Variants in STON1 observed in about 807,000 individuals in gnomAD.
STON1 encodes stonin 1.
A neutral mutation model predicts 60.9 loss-of-function variants in STON1; 79 were observed. That is an observed-to-expected ratio of 1.30 (90% CI 1.08 to 1.56). STON1 has a LOEUF of 1.56. STON1 is among the 40% of genes most tolerant of loss of function. The probability of loss-of-function intolerance (pLI) is 0.00; values close to 1 mark genes in which losing one functional copy is unlikely to be tolerated. For missense variants in STON1, 1,166 were observed against 858.9 expected, an observed-to-expected ratio of 1.36 and a Z score of -4.47; for synonymous variants, 363 against 306.9, an observed-to-expected ratio of 1.18 and a Z score of -1.91.
At chr2:48,543,529 C>CT (rs869048449) in intron 1 of STON1, among the ~76,000 whole-genome samples, 2,381 of 128,192 alleles carry the variant, frequency 0.019, 47 homozygotes, top group East Asian at 0.028. Context: ...TTAAAGATAA[C>CT]TTTTTTTTTT....
At position 48,589,404 on chromosome 2, in the gene STON1, C is replaced by A. The variant is rs901596942; in HGVS notation, c.1931-2249C>A. 2.0e-5 allele frequency among the ~76,000 whole-genome samples: 3 copies of A among 152,338 alleles called. No homozygotes were observed. The South Asian group carries it at 6.2e-4, about 32-fold the overall frequency. ...CTGCGACAACACGATTTTCCTCTATCTTTTATTCATTAATTGGTGAATTTG... is the reference window on the plus strand; with the variant it reads ...CTGCGACAACACGATTTTCCTCTATATTTTATTCATTAATTGGTGAATTTG... On this transcript the variant is annotated intron_variant, in intron 2 of 3. Coordinates refer to ENST00000404752, the MANE Select transcript of STON1 (RefSeq NM_006873.4).
At chr2:48,564,464 CTTCTTCTTCTTCTTCTTTCTTCTT>C (rs1558604429) in intron 1 of STON1, among the ~76,000 whole-genome samples, 5 of 55,230 alleles carry the variant, frequency 9.1e-5, no homozygotes, top group African/African-American at 3.5e-4. Flanking sequence ...TCTTCTTCTT[CTTCTTCTTCTTCTTCTTTCTTCTT>C]CTTCTTCTTC....
intron 2 of STON1, among the ~76,000 whole-genome samples, chr2:48,590,911 C>G (rs1674478308): frequency 6.6e-6 from 1 of 152,024 alleles, no homozygotes; most frequent in African/African-American, 2.4e-5. Context: ...AATTCTTGGC[C>G]TGGAACATTT....
intron 1 of STON1, among the ~76,000 whole-genome samples, chr2:48,558,034 C>A (rs897127908): frequency 1.3e-5 from 2 of 152,084 alleles, no homozygotes; most frequent in African/African-American, 4.8e-5. Flanking sequence ...ACCAGCATGA[C>A]CAATATGGAG....
chr2:48,574,588 C>A (rs1416739914), intron 1 of STON1, among the ~76,000 whole-genome samples: 1 of 152,096 alleles, frequency 6.6e-6, no homozygotes, highest in East Asian at 1.9e-4. Context: ...AGGCAATGAA[C>A]CTAAAGCCAA....
At position 48,581,502 on chromosome 2, in the gene STON1, C is replaced by T. The variant is rs747553078; in HGVS notation, c.869C>T (p.Ser290Phe). The stretch of plus-strand genomic sequence containing the variant: ...ATTCCTGAGAAGAAGAATATGATGT[C>T]TTCCCGGCAATGGGGACCAATTTTT... The part of the protein sequence containing the change: ...LRIPEKKNMM[S>F]SRQWGPIFLK... The change falls in exon 2 of 4, where the codon TCT (serine) becomes TTT (phenylalanine). Residue 290 changes from serine to phenylalanine, a missense_variant. Ser to Phe is a radical substitution (Grantham distance 155, BLOSUM62 -2). Transcript: ENST00000404752. 15 of 1,614,224 alleles carry T rather than the reference C, an allele frequency of 9.3e-6. No individual in the cohort carries two copies. The highest frequency in any genetic ancestry group is 1.3e-5 in the Non-Finnish European group (15 of 1,180,040).
At chr2:48,564,753 G>C (rs1286258256) in intron 1 of STON1, among the ~76,000 whole-genome samples, 1 of 71,346 alleles carries the variant, frequency 1.4e-5, no homozygotes, top group Admixed American at 1.8e-4. Context: ...TTTTTTTTAA[G>C]ATGGAGTCTC....
chr2:48,534,926 C>G (rs1455620661), intron 1 of STON1, among the ~76,000 whole-genome samples: 1 of 152,140 alleles, frequency 6.6e-6, no homozygotes, highest in East Asian at 1.9e-4. Context: ...GGTAGCTCAC[C>G]CCTTCCTTGC....
chr2:48,534,510 G>T (rs1671347318), intron 1 of STON1, among the ~76,000 whole-genome samples: 1 of 152,152 alleles, frequency 6.6e-6, no homozygotes, highest in African/African-American at 2.4e-5. Flanking sequence ...AAAGGAAAGG[G>T]AAAATGTTTC....
Position 48,581,011 on chromosome 2 carries a change from C to T in STON1, c.378C>T (p.Thr126=). 1.9e-6 allele frequency: 3 copies of T among 1,572,654 alleles called. No individual in the cohort carries two copies. The highest frequency in any genetic ancestry group is 1.7e-6 in the Non-Finnish European group (2 of 1,162,926). The stretch of plus-strand genomic sequence containing the variant: ...GAGGAGAATCTTCCTTACTGCCTAC[C>T]AGACCAACATGTTTATCCCATGCCT... The part of the protein sequence containing the change: ...ISGGESSLLP[T]RPTCLSHALL... The change falls in exon 2 of 4, where the codon ACC becomes ACT. Residue 126 remains threonine, a synonymous_variant. Coordinates refer to ENST00000404752, the MANE Select transcript of STON1 (RefSeq NM_006873.4).
At chr2:48,586,427 T>C (rs547047732) in intron 2 of STON1, among the ~76,000 whole-genome samples, 1 of 152,274 alleles carries the variant, frequency 6.6e-6, no homozygotes, top group South Asian at 2.1e-4. Flanking sequence ...AAATGCACTG[T>C]GGAAAAGTGC....
intron 2 of STON1, among the ~76,000 whole-genome samples, chr2:48,583,086 A>C (rs1222309006): frequency 6.6e-6 from 1 of 152,058 alleles, no homozygotes; most frequent in Admixed American, 6.6e-5. Flanking sequence ...GGTCATCTCA[A>C]CTTGTATTGT....
rs1450613784 is a variant in STON1, at chr2:48,591,768, C to T, written c.2046C>T (p.Ala682=). ...TVQFSVPDTC[A]SRTEVRSLGV... ...AGTTTTCCGTGCCTGACACCTGTGCCTCAAGGACAGAGGTCAGGTCTCTGG... is the reference window on the plus strand; with the variant it reads ...AGTTTTCCGTGCCTGACACCTGTGCTTCAAGGACAGAGGTCAGGTCTCTGG... The change falls in exon 3 of 4, where the codon GCC becomes GCT. Residue 682 remains alanine, a synonymous_variant. Transcript: ENST00000404752. 2 of 1,614,052 alleles carry T rather than the reference C, an allele frequency of 1.2e-6. No individual in the cohort carries two copies. The highest frequency in any genetic ancestry group is 1.3e-5 in the African/African-American group (1 of 74,920).
chr2:48,572,001 A>G lies in STON1; in HGVS notation c.-47-8586A>G, dbSNP rs1572962805. On this transcript the variant is annotated intron_variant, in intron 1 of 3. Coordinates refer to ENST00000404752, the MANE Select transcript of STON1 (RefSeq NM_006873.4). ...AACATGGTGAAACCCTGTCTCTACT[A>G]AAAATACAAAAATTAGCCTGGCATG... Among the ~76,000 whole-genome samples, 4 of 152,218 alleles carry G rather than the reference A, an allele frequency of 2.6e-5. No homozygotes were observed. In the South Asian group the frequency reaches 8.3e-4, roughly 32 times the overall value.
intron 1 of STON1, among the ~76,000 whole-genome samples, chr2:48,566,591 G>C (rs1672955406): frequency 6.6e-6 from 1 of 152,110 alleles, no homozygotes; most frequent in East Asian, 1.9e-4. Flanking sequence ...CCTGTGACTG[G>C]GCATTTTAAA....
At position 48,558,202 on chromosome 2, in the gene STON1, C is replaced by T. The variant is rs796939601; in HGVS notation, c.-47-22385C>T. ...CGCACCATTGCACTTCTAGCCTGGG[C>T]GAAGAGCGAAACTCTGTCTGTCTCA... On this transcript the variant is annotated intron_variant, in intron 1 of 3. Transcript: ENST00000404752. 9.9e-5 allele frequency among the ~76,000 whole-genome samples: 15 copies of T among 152,164 alleles called. 1 individual carries two copies. Among genetic ancestry groups the T allele is most frequent in the African/African-American group, 2.9e-4 (12 of 41,518 alleles).
intron 1 of STON1, among the ~76,000 whole-genome samples, chr2:48,532,160 C>CTGGTCTCG (rs1671237034): frequency 6.6e-6 from 1 of 151,898 alleles, no homozygotes; most frequent in Non-Finnish European, 1.5e-5. Flanking sequence ...CCAGCCTGGC[C>CTGGTCTCG]AACCTGATGA....
At chr2:48,533,857 C>A (rs1032338591) in intron 1 of STON1, among the ~76,000 whole-genome samples, 74 of 151,112 alleles carry the variant, frequency 4.9e-4, no homozygotes, top group African/African-American at 1.8e-3. Flanking sequence ...GCAACCTCCA[C>A]CTCCTGGGTT....
intron 1 of STON1, among the ~76,000 whole-genome samples, chr2:48,578,610 A>G (rs1002671902): frequency 2.4e-4 from 9 of 36,914 alleles, no homozygotes; most frequent in African/African-American, 9.5e-4. Flanking sequence ...TTTTTTTGAT[A>G]TAGAGTTTCT....
Sources: gnomAD v4.1 joint callset for allele counts (sites outside exome capture counted in the v4.1 genomes callset) on GRCh38, gnomAD v4.1.1 for gene constraint, MANE v1.5 for transcripts, NCBI Gene and HGNC (gene_info 2026-07-23, HGNC 2026-07-21) for gene names.